The following GSK3B variants were observed in gnomAD, a reference collection of about 807,000 sequenced individuals.
The protein encoded by GSK3B is glycogen synthase kinase 3 beta.
In GSK3B, 15 loss-of-function variants were observed where a neutral mutation model predicts 56.4. The observed-to-expected ratio is 0.27, with a 90% confidence interval of 0.18 to 0.41. The LOEUF (loss-of-function observed/expected upper bound fraction) is 0.41, where lower values mean the gene tolerates loss of function less well. Ranked by LOEUF, GSK3B falls within the 10% of genes least tolerant of loss-of-function variation. The pLI, the probability that GSK3B is intolerant of heterozygous loss-of-function variation, is 1.00. For synonymous variants in GSK3B, 181 were observed against 188.9 expected, an observed-to-expected ratio of 0.96 and a Z score of 0.34; for missense variants, 300 against 513.4, an observed-to-expected ratio of 0.58 and a Z score of 4.02.
chr3:119,908,008 T>C (rs1216525517), intron 6 of GSK3B, among the ~76,000 whole-genome samples: 1 of 152,212 alleles, frequency 6.6e-6, no homozygotes, highest in East Asian at 1.9e-4. Flanking sequence ...TGTATCTAAA[T>C]ATGACAATAA....
At chr3:119,924,006 C>A (rs1215343837) in intron 3 of GSK3B, among the ~76,000 whole-genome samples, 4 of 152,170 alleles carry the variant, frequency 2.6e-5, no homozygotes, top group Admixed American at 2.0e-4. Flanking sequence ...AACCTACACA[C>A]ACACAAAAAG....
At chr3:119,866,970 T>C (rs1198714857) in intron 8 of GSK3B, among the ~76,000 whole-genome samples, 1 of 152,170 alleles carries the variant, frequency 6.6e-6, no homozygotes, top group Non-Finnish European at 1.5e-5. Flanking sequence ...AAATGAAATC[T>C]AGAAGTAAAG....
chr3:119,872,068 C>T (rs528131234), intron 8 of GSK3B, among the ~76,000 whole-genome samples: 61 of 152,130 alleles, frequency 4.0e-4, no homozygotes, highest in African/African-American at 1.3e-3. Flanking sequence ...ATCAGGCACT[C>T]GAAAGTGGGC....
chr3:119,928,461 C>T lies in GSK3B; in HGVS notation c.367-4978G>A, dbSNP rs546230703. On this transcript the variant is annotated intron_variant, in intron 3 of 10. Coordinates refer to ENST00000264235, the MANE Select transcript of GSK3B (RefSeq NM_001146156.2). ...TCTACTAAAAATACAAAAAATTAGC[C>T]GGGCATGGTGGCAGGTGCCTGTAGT... Among the ~76,000 whole-genome samples, 8 of 151,566 alleles carry T rather than the reference C, an allele frequency of 5.3e-5. No homozygotes were observed. In the South Asian group the frequency reaches 1.3e-3, roughly 24 times the overall value.
rs183996726 is a variant in GSK3B, at chr3:120,086,073, C to T, written c.88+7274G>A. 1.3e-4 allele frequency among the ~76,000 whole-genome samples: 20 copies of T among 152,150 alleles called. No homozygotes were observed. In the South Asian group the frequency reaches 3.9e-3, roughly 30 times the overall value. On this transcript the variant is annotated intron_variant, in intron 1 of 10. Coordinates refer to ENST00000264235, the MANE Select transcript of GSK3B (RefSeq NM_001146156.2). ...ATGTATCTAGAAAAGTTCCTCTCTA[C>T]ATAGCTATTCATAATTCATAAGAAA...
chr3:119,982,274 C>G (rs565300813), intron 2 of GSK3B, among the ~76,000 whole-genome samples: 1 of 152,268 alleles, frequency 6.6e-6, no homozygotes, highest in East Asian at 1.9e-4. Flanking sequence ...AGCAGAAAAG[C>G]TGAAAATTCT....
At chr3:120,041,824 G>C (rs115158667) in intron 1 of GSK3B, among the ~76,000 whole-genome samples, 3,877 of 152,260 alleles carry the variant, frequency 0.025, 76 homozygotes, top group Non-Finnish European at 0.04. Context: ...GTAATTGATG[G>C]AGACGCTCTT....
chr3:119,902,015 T>C (rs945105855), intron 7 of GSK3B, among the ~76,000 whole-genome samples: 5 of 152,290 alleles, frequency 3.3e-5, no homozygotes, highest in African/African-American at 1.2e-4. Flanking sequence ...AACAGTTTAA[T>C]ACGAGTTCCC....
rs2058537610 is a variant in GSK3B at position 120,093,883 on chromosome 3, A to C, written c.-449T>G. The C allele has an allele frequency of 4.9e-6, 1 of 202,400 alleles. No individual in the cohort carries two copies. Among genetic ancestry groups the C allele is most frequent in the Non-Finnish European group, 1.0e-5 (1 of 98,602 alleles). The allele number at this position is 202,400 out of a possible 1,614,324, so 12.5% of individuals were successfully genotyped here. Reference sequence around the variant, plus strand: ...GATCACGAGTCTCACGCTTGAAGAGAAAGGGGGATGGGTAGGAGGGAGGGA... The same window carrying C: ...GATCACGAGTCTCACGCTTGAAGAGCAAGGGGGATGGGTAGGAGGGAGGGA... On this transcript the variant is annotated 5_prime_UTR_variant, in exon 1 of 11. Coordinates refer to ENST00000264235, the MANE Select transcript of GSK3B (RefSeq NM_001146156.2).
intron 2 of GSK3B, among the ~76,000 whole-genome samples, chr3:119,962,789 G>A (rs769456484): frequency 3.9e-5 from 6 of 152,162 alleles, no homozygotes; most frequent in East Asian, 1.9e-4. Context: ...TCCACGGACC[G>A]GTGAGGGGCT....
At chr3:120,091,172 C>T (rs1241688647) in intron 1 of GSK3B, among the ~76,000 whole-genome samples, 1 of 151,796 alleles carries the variant, frequency 6.6e-6, no homozygotes, top group Non-Finnish European at 1.5e-5. Context: ...TTTTTTTTTC[C>T]CCATAGCCTC....
At chr3:119,870,207 A>G (rs1332159001) in intron 8 of GSK3B, among the ~76,000 whole-genome samples, 1 of 152,144 alleles carries the variant, frequency 6.6e-6, no homozygotes, top group Non-Finnish European at 1.5e-5. Flanking sequence ...TGTAACACCT[A>G]CAGCCATGTG....
intron 7 of GSK3B, among the ~76,000 whole-genome samples, chr3:119,897,779 G>GC (rs1422532281): frequency 3.0e-5 from 4 of 131,554 alleles, no homozygotes; most frequent in African/African-American, 1.2e-4. Flanking sequence ...GGGTGACAGA[G>GC]CAAGACTCTG....
intron 1 of GSK3B, among the ~76,000 whole-genome samples, chr3:120,050,770 C>G (rs375248732): frequency 1.7e-4 from 26 of 152,190 alleles, no homozygotes; most frequent in African/African-American, 6.3e-4. Context: ...TCCTGCAGGT[C>G]TAGGATTCTG....
chr3:120,083,247 G>T (rs964210891), intron 1 of GSK3B, among the ~76,000 whole-genome samples: 1 of 152,150 alleles, frequency 6.6e-6, no homozygotes, highest in Non-Finnish European at 1.5e-5. Context: ...TCCATACAAT[G>T]AAATGTTATT....
At chr3:119,875,624 C>T (rs1228676834) in intron 8 of GSK3B, among the ~76,000 whole-genome samples, 1 of 151,740 alleles carries the variant, frequency 6.6e-6, no homozygotes, top group Non-Finnish European at 1.5e-5. Context: ...GTCAGAGTTT[C>T]TGAACTTGTA....
chr3:120,086,697 AG>A (rs1173773852), intron 1 of GSK3B, among the ~76,000 whole-genome samples: 1 of 151,998 alleles, frequency 6.6e-6, no homozygotes, highest in Non-Finnish European at 1.5e-5. Context: ...CCAGAGGTTG[AG>A]GTTAAAAGAT....
intron 1 of GSK3B, among the ~76,000 whole-genome samples, chr3:120,016,723 T>G (rs2057831056): frequency 6.6e-6 from 1 of 152,248 alleles, no homozygotes; most frequent in African/African-American, 2.4e-5. Context: ...TTCTTGGTTT[T>G]ACCTCAAAAC....
At chr3:119,931,443 C>T (rs1399392911) in intron 3 of GSK3B, among the ~76,000 whole-genome samples, 1 of 152,104 alleles carries the variant, frequency 6.6e-6, no homozygotes, top group East Asian at 1.9e-4. Context: ...TGGCGAAACC[C>T]TGTCTCTACC....
Sources: gnomAD v4.1 joint callset for allele counts (sites outside exome capture counted in the v4.1 genomes callset) on GRCh38, gnomAD v4.1.1 for gene constraint, MANE v1.5 for transcripts, NCBI Gene and HGNC (gene_info 2026-07-23, HGNC 2026-07-21) for gene names.